CLXN: variants seen among roughly 807,000 people sequenced by gnomAD.
CLXN encodes calaxin.
At chr8:48,726,488 C>T in the CLXN span, among the ~76,000 whole-genome samples, 1 of 146,024 alleles carries the variant, frequency 6.8e-6, no homozygotes, top group Non-Finnish European at 1.5e-5. Context: ...ATCCATTCAT[C>T]CATCCATCCA....
chr8:48,713,883 A>ACTT, the CLXN span: 1 of 152,144 alleles, frequency 6.6e-6, no homozygotes, highest in Non-Finnish European at 1.5e-5. Context: ...AAAAAAAAAC[A>ACTT]CTTAATTGTT....
At chr8:48,717,534 AGAG>A in the CLXN span, among the ~76,000 whole-genome samples, 1 of 152,368 alleles carries the variant, frequency 6.6e-6, no homozygotes, top group South Asian at 2.1e-4. Context: ...AAAATGGTAG[AGAG>A]TTCTTCAATT....
chr8:48,726,489 C>A, the CLXN span, among the ~76,000 whole-genome samples: 1 of 145,082 alleles, frequency 6.9e-6, no homozygotes, highest in East Asian at 2.6e-4. Context: ...TCCATTCATC[C>A]ATCCATCCAT....
At chr8:48,718,186 T>C in the CLXN span, among the ~76,000 whole-genome samples, 39 of 152,158 alleles carry the variant, frequency 2.6e-4, no homozygotes, top group African/African-American at 8.7e-4. Context: ...GAGGTGATTA[T>C]GCTTATATCA....
chr8:48,721,976 G>A, the CLXN span, among the ~76,000 whole-genome samples: 3 of 152,104 alleles, frequency 2.0e-5, no homozygotes, highest in Non-Finnish European at 4.4e-5. Flanking sequence ...CAAAGAAAAG[G>A]AAATAATCAA....
At chr8:48,733,835 C>T in the CLXN span, among the ~76,000 whole-genome samples, 7 of 152,072 alleles carry the variant, frequency 4.6e-5, no homozygotes, top group Non-Finnish European at 7.4e-5. Context: ...TTCAAACTTA[C>T]GGAAAGGGAC....
At chr8:48,721,850 G>A in the CLXN span, among the ~76,000 whole-genome samples, 8 of 152,078 alleles carry the variant, frequency 5.3e-5, no homozygotes, top group Non-Finnish European at 1.0e-4. Flanking sequence ...CCTATTAGAA[G>A]ACAACACAGA....
chr8:48,735,027 T>C, the CLXN span: 1 of 1,576,076 alleles, frequency 6.3e-7, no homozygotes, highest in Non-Finnish European at 8.7e-7. Flanking sequence ...CAGCGGACCT[T>C]AGCACGGGGT....
the CLXN span, chr8:48,731,529 A>C: frequency 1.3e-6 from 2 of 1,561,060 alleles, no homozygotes; most frequent in African/African-American, 1.4e-5. Flanking sequence ...AGATATAACA[A>C]AAATGAACCC....
chr8:48,735,146 G>A, the CLXN span: 2 of 1,613,978 alleles, frequency 1.2e-6, no homozygotes, highest in Non-Finnish European at 1.7e-6. Flanking sequence ...GTTTCTTGCG[G>A]TTCATGTCTG....
At chr8:48,726,656 A>AGTT in the CLXN span, among the ~76,000 whole-genome samples, 1 of 43,832 alleles carries the variant, frequency 2.3e-5, no homozygotes, top group Non-Finnish European at 4.2e-5. Context: ...CCATCCACCC[A>AGTT]CCTCATCCAT....
At chr8:48,734,326 C>T in the CLXN span, among the ~76,000 whole-genome samples, 1 of 152,196 alleles carries the variant, frequency 6.6e-6, no homozygotes, top group Non-Finnish European at 1.5e-5. Context: ...ACCATACCCA[C>T]GGCTTCCTTG....
At chr8:48,731,956 T>C in the CLXN span, among the ~76,000 whole-genome samples, 112 of 152,292 alleles carry the variant, frequency 7.4e-4, no homozygotes, top group Admixed American at 3.4e-3. Context: ...CCTTCATTAA[T>C]TCATAAGCCA....
At chr8:48,722,335 C>A in the CLXN span, among the ~76,000 whole-genome samples, 1 of 152,088 alleles carries the variant, frequency 6.6e-6, no homozygotes, top group Non-Finnish European at 1.5e-5. Flanking sequence ...GGTGGGAATG[C>A]AAATTGGTAC....
the CLXN span, among the ~76,000 whole-genome samples, chr8:48,732,080 T>C: frequency 6.6e-6 from 1 of 152,106 alleles, no homozygotes; most frequent in Admixed American, 6.6e-5. Context: ...AACTATTCAG[T>C]AATAGTTTGG....
the CLXN span, among the ~76,000 whole-genome samples, chr8:48,726,995 TCATCCATCCATCCATC>T: frequency 1.2e-4 from 15 of 124,304 alleles, no homozygotes; most frequent in African/African-American, 1.6e-4. Flanking sequence ...ATCCATCCAC[TCATCCATCCATCCATC>T]CATCCATCCA....
chr8:48,720,511 G>A, the CLXN span, among the ~76,000 whole-genome samples: 2 of 152,184 alleles, frequency 1.3e-5, no homozygotes, highest in African/African-American at 4.8e-5. Context: ...GCTTACTAGG[G>A]TGGGGAAAAA....
chr8:48,727,361 G>A, the CLXN span, among the ~76,000 whole-genome samples: 4 of 152,284 alleles, frequency 2.6e-5, no homozygotes, highest in East Asian at 1.9e-4. Context: ...TGTACAAGGC[G>A]AGACAGATAT....
At chr8:48,735,105 T>C in the CLXN span, 1 of 1,614,108 alleles carries the variant, frequency 6.2e-7, no homozygotes, top group Admixed American at 1.7e-5. Flanking sequence ...ATGCTTGCAA[T>C]TTTTGGTTAA....
Sources: gnomAD v4.1 joint callset for allele counts (sites outside exome capture counted in the v4.1 genomes callset) on GRCh38, gnomAD v4.1.1 for gene constraint, MANE v1.5 for transcripts, NCBI Gene and HGNC (gene_info 2026-07-23, HGNC 2026-07-21) for gene names.